The following EXOC6B variants were observed in gnomAD, a reference collection of about 807,000 sequenced individuals.
EXOC6B encodes exocyst complex component 6B.
EXOC6B carries 54 observed loss-of-function variants against 113.5 expected under a neutral mutation model. The observed-to-expected ratio is 0.48, with a 90% CI of 0.38 to 0.60. The LOEUF (loss-of-function observed/expected upper bound fraction) is 0.60, where lower values mean the gene tolerates loss of function less well. EXOC6B is among the 20% of genes least tolerant of loss of function. EXOC6B has a pLI of 0.00. For synonymous variants in EXOC6B, 357 were observed against 339.0 expected (o/e 1.05, Z -0.58); for missense variants, 797 against 977.5 (o/e 0.82, Z 2.46).
At chr2:72,654,081 T>C (rs944190630) in intron 6 of EXOC6B, among the ~76,000 whole-genome samples, 3 of 151,922 alleles carry the variant, frequency 2.0e-5, no homozygotes, top group African/African-American at 7.3e-5. Flanking sequence ...GCCATTCTCC[T>C]GCCTCAGCCT....
chr2:72,207,583 G>A (rs1012076345), intron 20 of EXOC6B, among the ~76,000 whole-genome samples: 1 of 152,168 alleles, frequency 6.6e-6, no homozygotes, highest in Non-Finnish European at 1.5e-5. Context: ...GATGATAATG[G>A]TAAATTCCTG....
intron 1 of EXOC6B, among the ~76,000 whole-genome samples, chr2:72,745,426 CAGT>C (rs771790143): frequency 1.9e-4 from 29 of 151,802 alleles, no homozygotes; most frequent in Non-Finnish European, 3.8e-4. Flanking sequence ...GAAAGGTTTG[CAGT>C]AGATCGCCAG....
At chr2:72,368,116 C>G (rs578088673) in intron 19 of EXOC6B, among the ~76,000 whole-genome samples, 2 of 152,192 alleles carry the variant, frequency 1.3e-5, no homozygotes, top group Non-Finnish European at 2.9e-5. Context: ...CCAGGCAGTG[C>G]AGCTCATAGC....
chr2:72,735,740 G>A (rs906727054), intron 2 of EXOC6B, among the ~76,000 whole-genome samples: 3 of 151,764 alleles, frequency 2.0e-5, no homozygotes, highest in Non-Finnish European at 2.9e-5. Flanking sequence ...CGCTTGAACC[G>A]GGTGGGGGGA....
intron 6 of EXOC6B, among the ~76,000 whole-genome samples, chr2:72,697,168 C>A (rs865946737): frequency 7.1e-6 from 1 of 140,774 alleles, no homozygotes; most frequent in Admixed American, 7.0e-5. Context: ...TATACACACA[C>A]AAAAATATTT....
chr2:72,274,715 G>C (rs1361855490), intron 20 of EXOC6B, among the ~76,000 whole-genome samples: 1 of 152,110 alleles, frequency 6.6e-6, no homozygotes, highest in African/African-American at 2.4e-5. Flanking sequence ...CTCATGAATA[G>C]TGTAAATCCA....
chr2:72,267,955 G>A (rs771554907), intron 20 of EXOC6B, among the ~76,000 whole-genome samples: 11 of 151,978 alleles, frequency 7.2e-5, no homozygotes, highest in Non-Finnish European at 1.3e-4. Context: ...ATATGCACAA[G>A]GAAACAAACA....
intron 19 of EXOC6B, among the ~76,000 whole-genome samples, chr2:72,372,606 G>A (rs1359530092): frequency 6.6e-6 from 1 of 152,152 alleles, no homozygotes; most frequent in Non-Finnish European, 1.5e-5. Context: ...AGCACTTTGG[G>A]AGGCCGAGGT....
At chr2:72,272,274 T>A (rs1684539625) in intron 20 of EXOC6B, among the ~76,000 whole-genome samples, 1 of 152,150 alleles carries the variant, frequency 6.6e-6, no homozygotes, top group African/African-American at 2.4e-5. Flanking sequence ...AAAGATGTAT[T>A]TCCTGTTGGG....
At chr2:72,424,610 C>T (rs1003804432) in intron 18 of EXOC6B, among the ~76,000 whole-genome samples, 8 of 151,772 alleles carry the variant, frequency 5.3e-5, no homozygotes, top group African/African-American at 1.9e-4. Context: ...TTTTTAAAAA[C>T]GTATTTGTTT....
chr2:72,763,897 A>G (rs1682893432), intron 1 of EXOC6B, among the ~76,000 whole-genome samples: 1 of 151,478 alleles, frequency 6.6e-6, no homozygotes, highest in Non-Finnish European at 1.5e-5. Flanking sequence ...CCTGGGCAAC[A>G]TGGTGAAACC....
intron 6 of EXOC6B, among the ~76,000 whole-genome samples, chr2:72,622,855 T>C (rs1469271709): frequency 6.6e-6 from 1 of 152,180 alleles, no homozygotes; most frequent in Non-Finnish European, 1.5e-5. Context: ...GTAGTTAGAA[T>C]GTGAAACAAC....
chr2:72,754,903 G>A (rs1451060810), intron 1 of EXOC6B, among the ~76,000 whole-genome samples: 1 of 152,104 alleles, frequency 6.6e-6, no homozygotes, highest in Non-Finnish European at 1.5e-5. Context: ...ACAAGTGTGA[G>A]CCACAGTGCC....
intron 6 of EXOC6B, among the ~76,000 whole-genome samples, chr2:72,593,406 T>C (rs1396548072): frequency 2.0e-5 from 3 of 152,110 alleles, no homozygotes; most frequent in Non-Finnish European, 4.4e-5. Flanking sequence ...GACTGAGTCC[T>C]TAACCTTTGG....
In EXOC6B at chr2:72,559,519, T is replaced by C. The variant is rs775406069; in HGVS notation, c.849A>G (p.Val283=). 2.7e-5 allele frequency: 44 copies of C among 1,612,060 alleles called. No homozygotes were observed. The highest frequency in any genetic ancestry group is 3.7e-5 in the Non-Finnish European group (44 of 1,179,018). The change falls in exon 8 of 22, where the codon GTA becomes GTG. Residue 283 remains valine (V), a splice_region_variant and synonymous_variant. Transcript: ENST00000272427. ...DVEDEEDDEE[V]PGAQDLVDFS... Reference sequence around the variant, plus strand: ...AATCCACCAAATCTTGGGCCCCAGGTACCTGCAAACACAAGATTATAACAA... The same window carrying C: ...AATCCACCAAATCTTGGGCCCCAGGCACCTGCAAACACAAGATTATAACAA...
intron 6 of EXOC6B, among the ~76,000 whole-genome samples, chr2:72,627,635 C>T (rs550142029): frequency 2.5e-4 from 38 of 152,288 alleles, no homozygotes; most frequent in African/African-American, 8.7e-4. Context: ...AATTTGGCCA[C>T]CTTGGATGTA....
chr2:72,294,207 C>T (rs1325960092), intron 20 of EXOC6B, among the ~76,000 whole-genome samples: 1 of 151,580 alleles, frequency 6.6e-6, no homozygotes, highest in Non-Finnish European at 1.5e-5. Context: ...AGATAAAAAA[C>T]ACAAAGATAA....
At chr2:72,781,226 A>C (rs1995734) in intron 1 of EXOC6B, among the ~76,000 whole-genome samples, 135,736 of 152,234 alleles carry the variant, frequency 0.89, 60,553 homozygotes, top group East Asian at 0.99. Flanking sequence ...CTGTTCCTCT[A>C]CACAAGGTTT....
intron 18 of EXOC6B, among the ~76,000 whole-genome samples, chr2:72,401,659 A>ATACATATATACATATATATATATG (rs1693328350): frequency 1.3e-5 from 1 of 76,804 alleles, no homozygotes. Context: ...ATATATATAT[A>ATACATATATACATATATATATATG]TATATATGTA....
Sources: allele counts gnomAD v4.1 joint callset (sites outside exome capture counted in the v4.1 genomes callset), GRCh38; gene constraint gnomAD v4.1.1; transcripts MANE v1.5; gene names NCBI Gene and HGNC (gene_info 2026-07-23, HGNC 2026-07-21).